The following CEBPZ variants were observed in gnomAD, a reference collection of about 807,000 sequenced individuals.
CEBPZ encodes the protein CCAAT/enhancer-binding protein zeta.
In CEBPZ, 78 loss-of-function variants were observed where a neutral mutation model predicts 104.5. That is an observed-to-expected ratio of 0.75 (90% confidence interval 0.62 to 0.90). The LOEUF (loss-of-function observed/expected upper bound fraction) is 0.90. Among genes scored for constraint, CEBPZ ranks in the 40% least tolerant of loss-of-function variants. The pLI is 0.00. For synonymous variants in CEBPZ, 470 were observed against 427.0 expected, an observed-to-expected ratio of 1.10 and a Z score of -1.24; for missense variants, 1,439 against 1,233.5, an observed-to-expected ratio of 1.17 and a Z score of -2.50.
chr2:37,218,821 G>A (rs1664699217), intron 5 of CEBPZ, among the ~76,000 whole-genome samples: 1 of 152,162 alleles, frequency 6.6e-6, no homozygotes. Context: ...GCAGTGAGCC[G>A]AGATCGCGCC....
At position 37,227,955 on chromosome 2, in the gene CEBPZ, T is replaced by C; in HGVS notation, c.1238A>G (p.His413Arg). The change falls in exon 2 of 16, where the codon CAT becomes CGT. Residue 413 changes from histidine (H) to arginine (R), a missense_variant. By Grantham distance (29) the His-to-Arg change is conservative. Transcript: ENST00000234170. ...SHLLETLLCK[H>R]PNMKGVVSGE... is the part of the protein sequence containing the mutation. ...AGACACAACTCCTTTCATATTGGGATGTTTACAAAGTAATGTCTCTAACAG... is the reference window on the plus strand; with the variant it reads ...AGACACAACTCCTTTCATATTGGGACGTTTACAAAGTAATGTCTCTAACAG... 1 of 1,614,230 alleles carries C rather than the reference T, an allele frequency of 6.2e-7. No individual in the cohort carries two copies. Among genetic ancestry groups the C allele is most frequent in the South Asian group, 1.1e-5 (1 of 91,090 alleles).
intron 10 of CEBPZ, chr2:37,212,749 C>A: frequency 5.4e-6 from 1 of 184,928 alleles, no homozygotes; most frequent in Non-Finnish European, 1.1e-5. Context: ...CAATATGTAA[C>A]ATCTCATGCT....
rs140729432 is a variant in CEBPZ at position 37,214,007 on chromosome 2, A to G, written c.2448-46T>C. 1,278 of 1,045,158 alleles carry G rather than the reference A, an allele frequency of 1.2e-3. 10 individuals carry two copies. In the African/African-American group the frequency reaches 0.02, roughly 16 times the overall value. 64.7% of individuals were successfully genotyped at this position (1,045,158 alleles called of 1,614,324 possible). A position where few individuals can be genotyped will look rare whatever the true frequency, so the allele number is the denominator to read the frequency against. ...ATTTGACAATTTTATTAAAGGTCTA[A>G]TCTTACTATATATCATCAAAGCACC... On this transcript the variant is annotated intron_variant, in intron 9 of 15. Coordinates refer to ENST00000234170, the MANE Select transcript of CEBPZ (RefSeq NM_005760.3).
intron 13 of CEBPZ, among the ~76,000 whole-genome samples, chr2:37,206,921 A>G (rs755720297): frequency 2.6e-5 from 4 of 152,198 alleles, no homozygotes; most frequent in Admixed American, 6.5e-5. Context: ...CGTAACACAT[A>G]AGGACTCACA....
At chr2:37,207,192 C>T (rs1418739461) in intron 13 of CEBPZ, among the ~76,000 whole-genome samples, 1 of 152,090 alleles carries the variant, frequency 6.6e-6, no homozygotes, top group Non-Finnish European at 1.5e-5. Context: ...CAGATGGCAA[C>T]ACAATAATAG....
intron 4 of CEBPZ, among the ~76,000 whole-genome samples, 188 bp from the exon 5 acceptor site, chr2:37,220,661 A>G (rs1290525359): frequency 6.6e-6 from 1 of 152,192 alleles, no homozygotes; most frequent in African/African-American, 2.4e-5. Context: ...TCTGCTCTTG[A>G]ATAAAGCAGA....
At chr2:37,210,625 G>C (rs758676359) in intron 13 of CEBPZ, 10 of 161,854 alleles carry the variant, frequency 6.2e-5, no homozygotes, top group Non-Finnish European at 1.1e-4. Flanking sequence ...TTGGGGGGAA[G>C]AGTGGGAGGC....
chr2:37,222,605 G>C (rs779489270), intron 3 of CEBPZ, 42 bp from the exon 4 acceptor site: 7 of 1,416,508 alleles, frequency 4.9e-6, no homozygotes, highest in Middle Eastern at 4.2e-4. Flanking sequence ...AAATCAACTG[G>C]AAGTTGCAAT....
rs746626817 is a variant in CEBPZ at position 37,214,956 on chromosome 2, C to G, written c.2381-4G>C. The G allele has an allele frequency of 6.3e-7, 1 of 1,596,074 alleles. No homozygotes were observed. The highest frequency in any genetic ancestry group is 8.6e-7 in the Non-Finnish European group (1 of 1,164,596). On this transcript the variant is annotated splice_region_variant and splice_polypyrimidine_tract_variant and intron_variant, in intron 8 of 15. Transcript: ENST00000234170. The stretch of plus-strand genomic sequence containing the variant: ...GCAAGGAACTCCTTACTGTTCACTA[C>G]AAAAATAAATTTAAACATTTTAACT...
rs779933992 is a variant in CEBPZ at position 37,212,032 on chromosome 2, T to C, written c.2611A>G (p.Lys871Glu). Residue 871 changes from lysine to glutamate, a missense_variant, in exon 12 of 16, where the codon AAA becomes GAA. By Grantham distance (56) the Lys-to-Glu change is moderately conservative. Coordinates refer to ENST00000234170, the MANE Select transcript of CEBPZ (RefSeq NM_005760.3). ...TCCTTAGCTCCTTTTGTTCTCTTTT[T>C]CACGTTTCTGGAAAAAAACACAACT... is the stretch of plus-strand genomic sequence containing the variant. ...KDDMDFAGNV[K>E]KRTKGAKDNT... 1 of 1,576,990 alleles carries C rather than the reference T, an allele frequency of 6.3e-7. No homozygotes were observed. The highest frequency in any genetic ancestry group is 2.0e-5 in the Admixed American group (1 of 48,958).
rs764461304 is a variant in CEBPZ, at chr2:37,227,687, G to C, written c.1506C>G (p.Asp502Glu). ...RAYPYSQTGDDKVREQIDTLF... is the reference protein window; with the variant it reads ...RAYPYSQTGDEKVREQIDTLF... ...GTGTGTCAATCTGCTCCCTTACTTT[G>C]TCATCACCAGTCTGGGAATAAGGGT... The change falls in exon 2 of 16, where the codon GAC (aspartate) becomes GAG (glutamate). Residue 502 changes from aspartate (D) to glutamate (E), a missense_variant. Coordinates refer to ENST00000234170, the MANE Select transcript of CEBPZ (RefSeq NM_005760.3). 6.2e-7 allele frequency: 1 copy of C among 1,614,000 alleles called. No homozygotes were observed. Among genetic ancestry groups the C allele is most frequent in the Admixed American group, 1.7e-5 (1 of 59,990 alleles).
chr2:37,231,397 G>A lies in CEBPZ; in HGVS notation c.156+15C>T. 1.2e-6 allele frequency: 2 copies of A among 1,613,552 alleles called. No individual in the cohort carries two copies. The highest frequency in any genetic ancestry group is 1.7e-6 in the Non-Finnish European group (2 of 1,179,916). On this transcript the variant is annotated intron_variant, in intron 1 of 15. Transcript: ENST00000234170. ...TCCACGCCTGATCCCGTTCCCCGGAGCCCGCGGCCGTTACCTTGGTGCCTC... is the reference window on the plus strand; with the variant it reads ...TCCACGCCTGATCCCGTTCCCCGGAACCCGCGGCCGTTACCTTGGTGCCTC...
chr2:37,227,694 C>G lies in CEBPZ; in HGVS notation c.1499G>C (p.Gly500Ala). ...AATCTGCTCCCTTACTTTGTCATCA[C>G]CAGTCTGGGAATAAGGGTATGCCCT... ...VNRAYPYSQT[G>A]DDKVREQIDT... The change falls in exon 2 of 16, where the codon GGT becomes GCT. Residue 500 changes from glycine to alanine, a missense_variant. Coordinates refer to ENST00000234170, the MANE Select transcript of CEBPZ (RefSeq NM_005760.3). The G allele has an allele frequency of 6.2e-7, 1 of 1,614,152 alleles. No individual in the cohort carries two copies. The highest frequency in any genetic ancestry group is 1.1e-5 in the South Asian group (1 of 91,086).
At position 37,220,460 on chromosome 2, in the gene CEBPZ, T is replaced by C; in HGVS notation, c.2079A>G (p.Leu693=). ...HFDNLKGGKQ[L]NKYDPFSRNP... ...TTCTACTGAATGGATCGTATTTATTTAACTGTTTCCCACCTAGGAATAACA... is the reference window on the plus strand; with the variant it reads ...TTCTACTGAATGGATCGTATTTATTCAACTGTTTCCCACCTAGGAATAACA... The change falls in exon 5 of 16, where the codon TTA becomes TTG. Residue 693 remains leucine (L), a synonymous_variant. Transcript: ENST00000234170. 1 of 1,592,060 alleles carries C rather than the reference T, an allele frequency of 6.3e-7. No individual in the cohort carries two copies.
rs1664928713 is a variant in CEBPZ, at chr2:37,227,867, A to C, written c.1326T>G (p.Ile442Met). ...ACAGAGCCATTTGATTTAAAAAGCAAATTGCATAATATTGAGCTTTGGAGC... is the reference window on the plus strand; with the variant it reads ...ACAGAGCCATTTGATTTAAAAAGCACATTGCATAATATTGAGCTTTGGAGC... Reference protein sequence around the residue: ...NISSKAQYYAICFLNQMALSH... With the variant: ...NISSKAQYYAMCFLNQMALSH... Residue 442 changes from isoleucine to methionine, a missense_variant, in exon 2 of 16, where the codon ATT becomes ATG. Physicochemically the swap from Ile to Met is conservative, Grantham distance 10 (BLOSUM62 1). Transcript: ENST00000234170. The C allele has an allele frequency of 6.2e-7, 1 of 1,614,032 alleles. No individual in the cohort carries two copies. The highest frequency in any genetic ancestry group is 1.3e-5 in the African/African-American group (1 of 74,930).
intron 5 of CEBPZ, 36 bp downstream of exon 5, chr2:37,220,349 C>T: frequency 1.1e-6 from 1 of 880,776 alleles, no homozygotes; most frequent in Non-Finnish European, 1.7e-6. Flanking sequence ...ATATATATAG[C>T]ATAAATGAAT....
chr2:37,218,535 T>A (rs577270442), intron 5 of CEBPZ, among the ~76,000 whole-genome samples: 1 of 152,326 alleles, frequency 6.6e-6, no homozygotes, highest in African/African-American at 2.4e-5. Context: ...CTGAAACCCA[T>A]ATTCAATTGG....
At chr2:37,221,764 C>T (rs1276575909) in intron 4 of CEBPZ, among the ~76,000 whole-genome samples, 1 of 152,192 alleles carries the variant, frequency 6.6e-6, no homozygotes. Flanking sequence ...ATTAATTTGA[C>T]TGTGAGTCCC....
chr2:37,223,265 G>A lies in CEBPZ; in HGVS notation c.1786C>T (p.Gln596Ter), dbSNP rs759331729. The A allele has an allele frequency of 6.2e-7, 1 of 1,614,118 alleles. No individual in the cohort carries two copies. The highest frequency in any genetic ancestry group is 1.7e-5 in the Admixed American group (1 of 60,020). Residue 596 changes from glutamine (Q) to a stop codon, truncating the protein, a stop_gained, in exon 3 of 16, where the codon CAA (glutamine) becomes TAA (stop). Coordinates refer to ENST00000234170, the MANE Select transcript of CEBPZ (RefSeq NM_005760.3). LOFTEE classifies it high-confidence loss of function. The stretch of plus-strand genomic sequence containing the variant: ...CCACATATAAATGGTGGCATCTGTT[G>A]ACAAGTAACTTGAAGTAACCTCTTC... ...FVKRLLQVTC[Q>*]QMPPFICGAL... is the part of the protein sequence containing the mutation.
Sources: gnomAD v4.1 joint callset for allele counts (sites outside exome capture counted in the v4.1 genomes callset) on GRCh38, gnomAD v4.1.1 for gene constraint, MANE v1.5 for transcripts, NCBI Gene and HGNC (gene_info 2026-07-23, HGNC 2026-07-21) for gene names.